Variants in ASZ1 observed in about 807,000 individuals in gnomAD.
The protein encoded by ASZ1 is ankyrin repeat, SAM and basic leucine zipper domain containing 1, also known as ankyrin repeat, SAM and basic leucine zipper domain-containing protein 1.
ASZ1 carries 67 observed loss-of-function variants against 61.8 expected under a neutral mutation model. The observed-to-expected ratio is 1.08, with a 90% CI of 0.89 to 1.33. ASZ1 has a LOEUF of 1.33. Ranked by LOEUF, ASZ1 falls within the 40% of genes most tolerant of loss-of-function variation. The pLI is 0.00. For synonymous variants in ASZ1, 193 were observed against 192.7 expected (o/e 1.00, Z -0.01); for missense variants, 577 against 554.5 (o/e 1.04, Z -0.41).
intron 2 of ASZ1, among the ~76,000 whole-genome samples, chr7:117,422,998 A>G (rs1797127161): frequency 1.3e-5 from 2 of 152,218 alleles, no homozygotes; most frequent in Admixed American, 1.3e-4. Context: ...GGAAGTTTAT[A>G]CGACAATCAG....
chr7:117,422,384 A>C, intron 2 of ASZ1, 25 bp from the exon 3 acceptor site: 1 of 1,607,904 alleles, frequency 6.2e-7, no homozygotes, highest in Non-Finnish European at 8.5e-7. Flanking sequence ...ACAAGCTTTT[A>C]AAAGCACACT....
intron 5 of ASZ1, among the ~76,000 whole-genome samples, chr7:117,385,276 T>C (rs1796331581): frequency 6.6e-6 from 1 of 152,092 alleles, no homozygotes; most frequent in African/African-American, 2.4e-5. Context: ...TCTTTTTTTT[T>C]GAGATGGAGT....
chr7:117,403,906 C>T (rs1396003762), intron 4 of ASZ1, among the ~76,000 whole-genome samples: 3 of 152,116 alleles, frequency 2.0e-5, no homozygotes, highest in African/African-American at 4.8e-5. Context: ...CATAGGAGTA[C>T]GAACCCTATT....
chr7:117,411,995 CTTA>C (rs1234198832), intron 4 of ASZ1, among the ~76,000 whole-genome samples: 12 of 150,146 alleles, frequency 8.0e-5, no homozygotes, highest in Middle Eastern at 3.2e-3. Flanking sequence ...GGGAGGTAAA[CTTA>C]TTATGTACTG....
intron 4 of ASZ1, among the ~76,000 whole-genome samples, chr7:117,409,754 C>T (rs1796857422): frequency 6.6e-6 from 1 of 151,634 alleles, no homozygotes; most frequent in Admixed American, 6.6e-5. Flanking sequence ...AAAGAAGAAA[C>T]TTCACTACCT....
chr7:117,370,983 C>G (rs370955159), intron 10 of ASZ1, among the ~76,000 whole-genome samples: 109 of 152,100 alleles, frequency 7.2e-4, no homozygotes, highest in African/African-American at 2.5e-3. Flanking sequence ...TACCACCATG[C>G]CCAGCTAATT....
At chr7:117,413,632 A>G (rs1433962509) in intron 4 of ASZ1, among the ~76,000 whole-genome samples, 2 of 152,066 alleles carry the variant, frequency 1.3e-5, no homozygotes, top group African/African-American at 4.8e-5. Context: ...AGTTTTTACC[A>G]TAAGTCCCAC....
intron 4 of ASZ1, among the ~76,000 whole-genome samples, chr7:117,387,886 T>C (rs1796391372): frequency 6.6e-6 from 1 of 152,098 alleles, no homozygotes; most frequent in South Asian, 2.1e-4. Context: ...TAAGAGAAGA[T>C]CAGTAAAATT....
rs765302267 is a variant in ASZ1, at chr7:117,381,082, A to G, written c.889-15T>C. On this transcript the variant is annotated splice_polypyrimidine_tract_variant and intron_variant, in intron 8 of 12. Coordinates refer to ENST00000284629, the MANE Select transcript of ASZ1 (RefSeq NM_130768.3). ...ATATCCCTTTCCTGTATAAAAGGAA[A>G]AAAAGGCCACCTTTCCATATAATTA... 6.5e-7 allele frequency: 1 copy of G among 1,542,840 alleles called. No homozygotes were observed. The highest frequency in any genetic ancestry group is 8.8e-7 in the Non-Finnish European group (1 of 1,139,642).
At chr7:117,379,776 T>C (rs1175568091) in intron 10 of ASZ1, among the ~76,000 whole-genome samples, 162 bp downstream of exon 10, 2 of 151,912 alleles carry the variant, frequency 1.3e-5, no homozygotes, top group Admixed American at 1.3e-4. Context: ...AAATTGACTT[T>C]ACAAAGTACA....
At chr7:117,393,861 C>T (rs1796524921) in intron 4 of ASZ1, among the ~76,000 whole-genome samples, 1 of 152,092 alleles carries the variant, frequency 6.6e-6, no homozygotes, top group African/African-American at 2.4e-5. Context: ...CACTCCCACC[C>T]ACTCCATCTG....
chr7:117,422,621 A>G (rs956580932), intron 2 of ASZ1, among the ~76,000 whole-genome samples: 2 of 152,190 alleles, frequency 1.3e-5, no homozygotes, highest in African/African-American at 4.8e-5. Flanking sequence ...GAGTATGTAT[A>G]TTATAACAGG....
chr7:117,427,228 C>G, intron 1 of ASZ1, 128 bp downstream of exon 1: 1 of 1,127,570 alleles, frequency 8.9e-7, no homozygotes, highest in Non-Finnish European at 1.3e-6. Context: ...GTACAAACTC[C>G]CGTATTTCCA....
chr7:117,427,489 C>T lies in ASZ1; in HGVS notation c.-29G>A. ...AGCCAAGGAAGCTCCCTGTCGGCAC[C>T]GCGCGCCCTTCAGCTCTCCGGGCGC... On this transcript the variant is annotated 5_prime_UTR_variant, in exon 1 of 13. Coordinates refer to ENST00000284629, the MANE Select transcript of ASZ1 (RefSeq NM_130768.3). 1.2e-6 allele frequency: 2 copies of T among 1,610,436 alleles called. No individual in the cohort carries two copies. The highest frequency in any genetic ancestry group is 1.7e-6 in the Non-Finnish European group (2 of 1,177,312).
chr7:117,385,897 G>A, intron 4 of ASZ1, 88 bp from the exon 5 acceptor site: 1 of 1,021,356 alleles, frequency 9.8e-7, no homozygotes, highest in Non-Finnish European at 1.4e-6. Context: ...AATACCACCA[G>A]TACTGCTTTG....
intron 4 of ASZ1, among the ~76,000 whole-genome samples, chr7:117,387,733 C>A (rs1284447433): frequency 6.6e-6 from 1 of 152,178 alleles, no homozygotes. Flanking sequence ...TAACTGCTCT[C>A]CTCCATGCTT....
intron 3 of ASZ1, among the ~76,000 whole-genome samples, chr7:117,421,214 T>C (rs1797093706): frequency 6.6e-6 from 1 of 152,210 alleles, no homozygotes. Flanking sequence ...ATAGCTTTCA[T>C]TGAGTAATTT....
At chr7:117,379,814 A>G in intron 10 of ASZ1, 124 bp downstream of exon 10, 1 of 592,280 alleles carries the variant, frequency 1.7e-6, no homozygotes, top group Non-Finnish European at 2.7e-6. Context: ...GTATCTTCCA[A>G]AATCTATTAC....
At chr7:117,417,548 G>A (rs1797019365) in intron 4 of ASZ1, among the ~76,000 whole-genome samples, 1 of 152,024 alleles carries the variant, frequency 6.6e-6, no homozygotes, top group Non-Finnish European at 1.5e-5. Flanking sequence ...AAATTTCATT[G>A]TACTCCCCAT....
Sources: allele counts gnomAD v4.1 joint callset (sites outside exome capture counted in the v4.1 genomes callset), GRCh38; gene constraint gnomAD v4.1.1; transcripts MANE v1.5; gene names NCBI Gene and HGNC (gene_info 2026-07-23, HGNC 2026-07-21).